Variants in RORB observed in about 807,000 individuals in gnomAD.
RORB encodes the protein nuclear receptor ROR-beta.
RORB carries 6 observed loss-of-function variants against 59.1 expected under a neutral mutation model. That is an observed-to-expected ratio of 0.10 (90% confidence interval 0.06 to 0.20). The LOEUF (loss-of-function observed/expected upper bound fraction) is 0.20, where lower values mean the gene tolerates loss of function less well. Among genes scored for constraint, RORB ranks in the 10% least tolerant of loss-of-function variants. The pLI is 1.00. For synonymous variants in RORB, 215 were observed against 204.5 expected (o/e 1.05, Z -0.44); for missense variants, 320 against 560.5 (o/e 0.57, Z 4.33).
intron 3 of RORB, among the ~76,000 whole-genome samples, chr9:74,640,460 T>C (rs541848784): frequency 3.9e-5 from 6 of 152,068 alleles, no homozygotes; most frequent in Non-Finnish European, 8.8e-5. Flanking sequence ...TGTGTGTGTA[T>C]TTTTAGTAGA....
intron 1 of RORB, among the ~76,000 whole-genome samples, chr9:74,552,635 T>C (rs998564802): frequency 7.2e-5 from 11 of 152,068 alleles, no homozygotes; most frequent in Admixed American, 2.6e-4. Flanking sequence ...TTGCTCAGTA[T>C]AGAAAATGAT....
At chr9:74,583,003 T>A (rs1291186413) in intron 1 of RORB, among the ~76,000 whole-genome samples, 1 of 152,150 alleles carries the variant, frequency 6.6e-6, no homozygotes, top group East Asian at 1.9e-4. Context: ...TGGGATCATA[T>A]GTCCTACAGG....
At chr9:74,648,160 G>T (rs1823929958) in intron 4 of RORB, among the ~76,000 whole-genome samples, 1 of 152,152 alleles carries the variant, frequency 6.6e-6, no homozygotes, top group East Asian at 1.9e-4. Context: ...TATGGGAAAA[G>T]GAAAATTCAG....
rs777475380 is a variant in RORB at position 74,667,911 on chromosome 9, T to C, written c.1111+10T>C. On this transcript the variant is annotated intron_variant, in intron 8 of 9. Transcript: ENST00000376896. Reference sequence around the variant, plus strand: ...GTTCTGATATCTCCAGGTAGGGCAGTCTCAGTTCTCTTACCTTTTTAAAAA... The same window carrying C: ...GTTCTGATATCTCCAGGTAGGGCAGCCTCAGTTCTCTTACCTTTTTAAAAA... 1.3e-6 allele frequency: 2 copies of C among 1,512,562 alleles called. No homozygotes were observed. The highest frequency in any genetic ancestry group is 1.8e-6 in the Non-Finnish European group (2 of 1,087,244). 93.7% of individuals were successfully genotyped at this position (1,512,562 alleles called of 1,614,324 possible). A position where few individuals can be genotyped will look rare whatever the true frequency, so the allele number is the denominator to read the frequency against.
At chr9:74,672,422 A>T (rs1440682533) in intron 9 of RORB, among the ~76,000 whole-genome samples, 1 of 152,182 alleles carries the variant, frequency 6.6e-6, no homozygotes, top group East Asian at 1.9e-4. Context: ...TATGTTATAA[A>T]TGACATTCCT....
chr9:74,678,766 T>C (rs1824490029), intron 9 of RORB, among the ~76,000 whole-genome samples: 1 of 152,154 alleles, frequency 6.6e-6, no homozygotes, highest in South Asian at 2.1e-4. Flanking sequence ...CCAGGCGCTA[T>C]GGCTCATGCC....
intron 5 of RORB, among the ~76,000 whole-genome samples, chr9:74,661,421 C>T (rs1324375675): frequency 6.6e-6 from 1 of 151,972 alleles, no homozygotes; most frequent in Admixed American, 6.6e-5. Flanking sequence ...TGATTTTTCT[C>T]CACCAGAACA....
rs886461260 is a variant in RORB at position 74,692,457 on chromosome 9, C to T, written c.*6839C>T. 2.0e-5 allele frequency: 3 copies of T among 152,002 alleles called. No homozygotes were observed. Among genetic ancestry groups the T allele is most frequent in the African/African-American group, 4.8e-5 (2 of 41,364 alleles). 9.4% of individuals were successfully genotyped at this position (152,002 alleles called of 1,614,324 possible). A position where few individuals can be genotyped will look rare whatever the true frequency, so the allele number is the denominator to read the frequency against. On this transcript the variant is annotated 3_prime_UTR_variant, in exon 10 of 10. Transcript: ENST00000376896. ...ACATTCAGAGATTTAATGTTTTTAC[C>T]TTAGCTCCAGCCTACGCTTGTAAAG...
chr9:74,642,652 C>A lies in RORB; in HGVS notation c.474C>A (p.Val158=). The change falls in exon 4 of 10, where the codon GTC becomes GTA. Residue 158 remains valine (V), a synonymous_variant. Transcript: ENST00000376896. ...CCAAGTCTGAGGGTTATTACAACGT[C>A]GATTCCGGTCAGCCGTCCCCTGATC... ...DLPKSEGYYN[V]DSGQPSPDQS... The A allele has an allele frequency of 6.2e-7, 1 of 1,614,202 alleles. No individual in the cohort carries two copies.
At chr9:74,499,393 C>T (rs1056937043) in intron 1 of RORB, among the ~76,000 whole-genome samples, 5 of 152,152 alleles carry the variant, frequency 3.3e-5, no homozygotes, top group Non-Finnish European at 5.9e-5. Flanking sequence ...CCCGGTGAGC[C>T]CCGAGCCTGG....
In RORB at chr9:74,637,695, G is replaced by A. The variant is rs775425323; in HGVS notation, c.235+2923G>A. Among the ~76,000 whole-genome samples the A allele has an allele frequency of 3.9e-4, 60 of 152,222 alleles. 1 individual carries two copies. The highest frequency in any genetic ancestry group is 8.2e-4 in the Non-Finnish European group (56 of 68,018). On this transcript the variant is annotated intron_variant, in intron 3 of 9. Coordinates refer to ENST00000376896, the MANE Select transcript of RORB (RefSeq NM_006914.4). ...TAGTATATGTCCTCCCAAGTGGCATGTCTCTACAAAAAGACAGAAGTTGCC... is the reference window on the plus strand; with the variant it reads ...TAGTATATGTCCTCCCAAGTGGCATATCTCTACAAAAAGACAGAAGTTGCC...
At chr9:74,572,907 G>A (rs1465953324) in intron 1 of RORB, among the ~76,000 whole-genome samples, 1 of 152,074 alleles carries the variant, frequency 6.6e-6, no homozygotes, top group Non-Finnish European at 1.5e-5. Flanking sequence ...ATTGCATATC[G>A]AACAACTGTT....
At chr9:74,538,725 A>T (rs1157955483) in intron 1 of RORB, among the ~76,000 whole-genome samples, 2 of 110,814 alleles carry the variant, frequency 1.8e-5, no homozygotes, top group East Asian at 8.6e-4. Flanking sequence ...AAAGACAAAG[A>T]TGCAAAAAAA....
chr9:74,498,086 GC>G, intron 1 of RORB, 103 bp downstream of exon 1: 2 of 1,365,026 alleles, frequency 1.5e-6, no homozygotes, highest in Non-Finnish European at 2.0e-6. Context: ...GAAAGAGGTT[GC>G]CCAGGCGCAG....
chr9:74,641,820 T>C (rs988809615), intron 3 of RORB, among the ~76,000 whole-genome samples: 1 of 151,890 alleles, frequency 6.6e-6, no homozygotes, highest in African/African-American at 2.4e-5. Context: ...GGTGGGAGGA[T>C]TGCTTGAGCC....
intron 4 of RORB, among the ~76,000 whole-genome samples, chr9:74,650,878 A>G (rs1266912275): frequency 6.6e-6 from 1 of 152,244 alleles, no homozygotes; most frequent in Non-Finnish European, 1.5e-5. Flanking sequence ...AGTTCTTCCT[A>G]AAGGTCAGAA....
In RORB at chr9:74,691,704, A is replaced by T. The variant is rs955350218; in HGVS notation, c.*6086A>T. ...TGTAACAATTTTTTTAGAGGGGGAA[A>T]ATCAACAAAGAGCAAATATGTACTT... is the stretch of plus-strand genomic sequence containing the variant. On this transcript the variant is annotated 3_prime_UTR_variant, in exon 10 of 10. Transcript: ENST00000376896. 3.3e-5 allele frequency: 5 copies of T among 152,140 alleles called. No homozygotes were observed. Among genetic ancestry groups the T allele is most frequent in the Non-Finnish European group, 7.4e-5 (5 of 68,022 alleles). 9.4% of individuals were successfully genotyped at this position (152,140 alleles called of 1,614,324 possible).
At chr9:74,624,754 T>C (rs1823482963) in intron 1 of RORB, among the ~76,000 whole-genome samples, 1 of 152,172 alleles carries the variant, frequency 6.6e-6, no homozygotes, top group South Asian at 2.1e-4. Flanking sequence ...GTAGATGAGA[T>C]ACAATTTGGG....
intron 1 of RORB, among the ~76,000 whole-genome samples, chr9:74,538,648 ATATGTGCATG>A (rs1826358404): frequency 6.6e-6 from 1 of 151,826 alleles, no homozygotes; most frequent in Non-Finnish European, 1.5e-5. Flanking sequence ...ATTTATTTAT[ATATGTGCATG>A]TATGTACAGA....
Sources: allele counts gnomAD v4.1 joint callset (sites outside exome capture counted in the v4.1 genomes callset), GRCh38; gene constraint gnomAD v4.1.1; transcripts MANE v1.5; gene names NCBI Gene and HGNC (gene_info 2026-07-23, HGNC 2026-07-21).